Variants in EDNRB observed in about 807,000 individuals in gnomAD.
EDNRB encodes the protein Hirschsprung disease 2.
In EDNRB, 18 loss-of-function variants were observed where a neutral mutation model predicts 46.4. The observed-to-expected ratio is 0.39, with a 90% CI of 0.27 to 0.57. EDNRB has a LOEUF of 0.57. Ranked by LOEUF, EDNRB falls within the 20% of genes least tolerant of loss-of-function variation. The pLI, the probability that EDNRB is intolerant of heterozygous loss-of-function variation, is 0.61. For synonymous variants in EDNRB, 213 were observed against 204.9 expected (o/e 1.04, Z -0.34); for missense variants, 434 against 537.5 (o/e 0.81, Z 1.90).
At chr13:77,908,044 AG>A (rs1879377228) in intron 1 of EDNRB, among the ~76,000 whole-genome samples, 1 of 4,120 alleles carries the variant, frequency 2.4e-4, no homozygotes, top group Admixed American at 2.8e-3. Flanking sequence ...AAAAAAAAAA[AG>A]AGAGAGAGAG....
intron 1 of EDNRB, among the ~76,000 whole-genome samples, chr13:77,972,273 A>G (rs561769310): frequency 2.0e-5 from 3 of 152,344 alleles, no homozygotes; most frequent in African/African-American, 7.2e-5. Flanking sequence ...CTGGCCTGCC[A>G]TGTGCACAAG....
chr13:77,945,013 G>A (rs932338095), intron 1 of EDNRB: 1 of 152,092 alleles, frequency 6.6e-6, no homozygotes, highest in African/African-American at 2.4e-5. Flanking sequence ...ATCTTGGAGG[G>A]GGTGTAGCTG....
chr13:77,898,399 T>C (rs1290384744), intron 6 of EDNRB, 65 bp from the exon 7 acceptor site: 24 of 1,602,458 alleles, frequency 1.5e-5, no homozygotes, highest in African/African-American at 2.7e-5. Context: ...CTTCCTCCTC[T>C]CCAGGGTTCT....
At chr13:77,948,139 C>A (rs1310699145) in intron 1 of EDNRB, among the ~76,000 whole-genome samples, 1 of 152,154 alleles carries the variant, frequency 6.6e-6, no homozygotes, top group Non-Finnish European at 1.5e-5. Flanking sequence ...CAGTCCAATT[C>A]TCCCAAAAGT....
At chr13:77,943,782 G>C (rs1852114270) in intron 1 of EDNRB, among the ~76,000 whole-genome samples, 1 of 151,906 alleles carries the variant, frequency 6.6e-6, no homozygotes, top group African/African-American at 2.4e-5. Context: ...TCAGCAATCA[G>C]AAATATACCC....
At chr13:77,960,178 A>G (rs530911676) in intron 1 of EDNRB, among the ~76,000 whole-genome samples, 1 of 152,324 alleles carries the variant, frequency 6.6e-6, no homozygotes, top group Non-Finnish European at 1.5e-5. Flanking sequence ...AATTCAGGAA[A>G]TACGAGAATG....
intron 1 of EDNRB, among the ~76,000 whole-genome samples, chr13:77,916,333 G>A (rs1801801560): frequency 6.6e-6 from 1 of 152,196 alleles, no homozygotes; most frequent in Non-Finnish European, 1.5e-5. Context: ...TGCCAAATTA[G>A]AATGGGAAGA....
upstream of EDNRB, chr13:77,919,358 A>G (rs1302714645): frequency 4.4e-6 from 7 of 1,587,604 alleles, no homozygotes; most frequent in South Asian, 6.6e-5. Flanking sequence ...ATAAGGTTCA[A>G]TCAATGATTT....
intron 1 of EDNRB, among the ~76,000 whole-genome samples, chr13:77,934,679 AG>A (rs61163800): frequency 0.55 from 69,728 of 127,358 alleles, 18,421 homozygotes; most frequent in African/African-American, 0.68. Flanking sequence ...TGTGTAGGAA[AG>A]GGGGGGGGGG....
At chr13:77,962,149 AC>A (rs1476094536) in intron 1 of EDNRB, among the ~76,000 whole-genome samples, 1 of 152,176 alleles carries the variant, frequency 6.6e-6, no homozygotes, top group Non-Finnish European at 1.5e-5. Flanking sequence ...TAGCCTACCA[AC>A]CAAAAAACGT....
intron 1 of EDNRB, among the ~76,000 whole-genome samples, chr13:77,958,969 A>G (rs754371547): frequency 1.3e-5 from 2 of 152,212 alleles, no homozygotes; most frequent in South Asian, 4.1e-4. Flanking sequence ...AATATCCACA[A>G]TGGCATGGTG....
chr13:77,920,213 C>T (rs1880036604), upstream of EDNRB, among the ~76,000 whole-genome samples: 1 of 152,176 alleles, frequency 6.6e-6, no homozygotes, highest in Non-Finnish European at 1.5e-5. Flanking sequence ...TGAAAATAAT[C>T]AGAAAGCTGC....
At chr13:77,943,555 T>G (rs1880812143) in intron 1 of EDNRB, among the ~76,000 whole-genome samples, 2 of 152,112 alleles carry the variant, frequency 1.3e-5, no homozygotes, top group African/African-American at 4.8e-5. Context: ...TTCCCTAGTT[T>G]TATTGTTTTA....
chr13:77,953,326 T>A, intron 1 of EDNRB, among the ~76,000 whole-genome samples: 1 of 152,008 alleles, frequency 6.6e-6, no homozygotes, highest in Middle Eastern at 3.4e-3. Context: ...AGATATATAT[T>A]ACATATGTAT....
chr13:77,916,672 C>T (rs1030237839), intron 1 of EDNRB, among the ~76,000 whole-genome samples: 5 of 152,154 alleles, frequency 3.3e-5, no homozygotes, highest in Admixed American at 3.3e-4. Context: ...ACTACTCCTG[C>T]CAATAGGTCA....
At chr13:77,906,098 T>C (rs1879262942) in intron 1 of EDNRB, among the ~76,000 whole-genome samples, 1 of 151,908 alleles carries the variant, frequency 6.6e-6, no homozygotes, top group Non-Finnish European at 1.5e-5. Flanking sequence ...AGGCTGTATA[T>C]ATTTTAAGGG....
intron 1 of EDNRB, among the ~76,000 whole-genome samples, chr13:77,971,588 T>G (rs1438877993): frequency 3.9e-5 from 6 of 151,994 alleles, no homozygotes; most frequent in South Asian, 4.1e-4. Context: ...CATGAGTTTT[T>G]TTTTTTTTTT....
At chr13:77,951,381 T>A (rs755525988) in intron 1 of EDNRB, among the ~76,000 whole-genome samples, 2 of 152,038 alleles carry the variant, frequency 1.3e-5, no homozygotes, top group Non-Finnish European at 2.9e-5. Context: ...CAACAAAACA[T>A]AACCACATCT....
chr13:77,897,693 T>G lies in EDNRB; in HGVS notation c.*507A>C, dbSNP rs1594353598. On this transcript the variant is annotated 3_prime_UTR_variant, in exon 7 of 7. Coordinates refer to ENST00000646607, the MANE Select transcript of EDNRB (RefSeq NM_001122659.3). ...GCAACAACTAAACTGCTCTCTCATTTGCATCTAATTACAATCTGATAATAG... is the reference window on the plus strand; with the variant it reads ...GCAACAACTAAACTGCTCTCTCATTGGCATCTAATTACAATCTGATAATAG... 1 of 986,576 alleles carries G rather than the reference T, an allele frequency of 1.0e-6. No homozygotes were observed. Among genetic ancestry groups the G allele is most frequent in the East Asian group, 1.1e-4 (1 of 8,868 alleles). 61.1% of individuals were successfully genotyped at this position (986,576 alleles called of 1,614,324 possible). A position where few individuals can be genotyped will look rare whatever the true frequency, so the allele number is the denominator to read the frequency against.
Sources: gnomAD v4.1 joint callset for allele counts (sites outside exome capture counted in the v4.1 genomes callset) on GRCh38, gnomAD v4.1.1 for gene constraint, MANE v1.5 for transcripts, NCBI Gene and HGNC (gene_info 2026-07-23, HGNC 2026-07-21) for gene names.